FRMPD4: variants seen among roughly 807,000 people sequenced by gnomAD.
The protein encoded by FRMPD4 is FERM and PDZ domain-containing protein 4.
Under a neutral mutation model 94.1 loss-of-function variants are expected in FRMPD4, and 22 were observed. The ratio of observed to expected loss-of-function variants is 0.23; its 90% CI spans 0.17 to 0.33. The LOEUF is 0.33. Among genes scored for constraint, FRMPD4 ranks in the 10% least tolerant of loss-of-function variants. The pLI, the probability that FRMPD4 is intolerant of heterozygous loss-of-function variation, is 1.00. For synonymous variants in FRMPD4, 631 were observed against 548.6 expected, an observed-to-expected ratio of 1.15 and a Z score of -2.10; for missense variants, 1,111 against 1,339.9, an observed-to-expected ratio of 0.83 and a Z score of 2.67.
chrX:11,975,379 A>C (rs113071325), intron 3 of FRMPD4, among the ~76,000 whole-genome samples: 8,518 of 112,199 alleles, frequency 0.076, 302 homozygotes, highest in East Asian at 0.24. Flanking sequence ...TTCCATATCC[A>C]TAAAACTGAT....
intron 3 of FRMPD4, among the ~76,000 whole-genome samples, chrX:11,888,317 C>G (rs961305567): frequency 8.9e-6 from 1 of 111,808 alleles, no homozygotes; most frequent in Non-Finnish European, 1.9e-5. Context: ...TAACACTACA[C>G]CTTCACATTT....
In FRMPD4 at chrX:12,332,207, T is replaced by TAGAG. The variant is rs531737337; in HGVS notation, c.42-166439_42-166436dup. ...TTTATATTTTATATATATATATATA[T>TAGAG]AGAGAGAGAGAGAGAGAGAGAGAGA... On this transcript the variant is annotated intron_variant, in intron 1 of 16. Coordinates refer to ENST00000675598, the MANE Select transcript of FRMPD4 (RefSeq NM_001368397.1). 2.1e-3 allele frequency among the ~76,000 whole-genome samples: 128 copies of TAGAG among 59,538 alleles called. 7 individuals carry two copies. Among genetic ancestry groups the TAGAG allele is most frequent in the African/African-American group, 5.8e-3 (80 of 13,711 alleles). 51.7% of individuals were successfully genotyped at this position (59,538 alleles called of 115,157 possible).
chrX:12,484,038 G>C (rs2057715572), intron 1 of FRMPD4, among the ~76,000 whole-genome samples: 1 of 111,547 alleles, frequency 9.0e-6, no homozygotes, highest in East Asian at 2.8e-4. Context: ...GACAGTAAGT[G>C]AATGAAATGC....
At chrX:12,021,598 C>A (rs1043402564) in intron 3 of FRMPD4, among the ~76,000 whole-genome samples, 1 of 111,542 alleles carries the variant, frequency 9.0e-6, no homozygotes, top group Non-Finnish European at 1.9e-5. Flanking sequence ...GCCTCCCCTG[C>A]CTGCTTCTAT....
chrX:12,268,688 G>A (rs1304169471), intron 1 of FRMPD4, among the ~76,000 whole-genome samples: 1 of 112,114 alleles, frequency 8.9e-6, no homozygotes, highest in Non-Finnish European at 1.9e-5. Flanking sequence ...GACATCATTA[G>A]TTCCATAGGG....
chrX:11,827,906 G>A (rs1044513127), intron 1 of FRMPD4, among the ~76,000 whole-genome samples: 2 of 111,856 alleles, frequency 1.8e-5, no homozygotes, highest in Non-Finnish European at 3.8e-5. Flanking sequence ...GGGTTGTTCT[G>A]ATGGCAACAT....
At chrX:12,249,672 G>A (rs766407019) in intron 1 of FRMPD4, among the ~76,000 whole-genome samples, 1 of 111,662 alleles carries the variant, frequency 9.0e-6, no homozygotes, top group South Asian at 3.8e-4. Flanking sequence ...GCCTTTGAAA[G>A]TGTGTGCTTA....
At chrX:12,659,206 T>A (rs149919099) in intron 4 of FRMPD4, among the ~76,000 whole-genome samples, 2 of 112,644 alleles carry the variant, frequency 1.8e-5, no homozygotes, top group Admixed American at 1.9e-4. Flanking sequence ...CTACTCATTG[T>A]TGCTAACTTG....
chrX:12,221,057 C>T (rs192807501), intron 1 of FRMPD4, among the ~76,000 whole-genome samples: 2 of 112,197 alleles, frequency 1.8e-5, no homozygotes, highest in East Asian at 5.6e-4. Flanking sequence ...ATGTACCTTC[C>T]TTCAAATCAC....
intron 3 of FRMPD4, among the ~76,000 whole-genome samples, chrX:12,095,472 C>T (rs1314472600): frequency 1.8e-5 from 2 of 111,055 alleles, no homozygotes; most frequent in Admixed American, 9.6e-5. Flanking sequence ...GAAACACAAC[C>T]ATGTTCATTT....
intron 1 of FRMPD4, among the ~76,000 whole-genome samples, chrX:12,231,404 C>T (rs1458495969): frequency 9.1e-6 from 1 of 109,437 alleles, no homozygotes; most frequent in Non-Finnish European, 1.9e-5. Flanking sequence ...CATGGCTTGG[C>T]TAGTCCCCCA....
chrX:11,846,466 T>C (rs2053577648), intron 1 of FRMPD4, among the ~76,000 whole-genome samples: 1 of 110,215 alleles, frequency 9.1e-6, no homozygotes, highest in East Asian at 2.8e-4. Context: ...CAAGGTAATT[T>C]ATAGATTCAA....
Position 12,236,310 on chromosome X carries a change from C to G in FRMPD4, c.41+97298C>G, listed in dbSNP as rs777641584. Among the ~76,000 whole-genome samples the G allele has an allele frequency of 3.6e-5, 4 of 111,386 alleles. No individual in the cohort carries two copies. In the South Asian group the frequency reaches 1.1e-3, roughly 32 times the overall value. Reference sequence around the variant, plus strand: ...TTGTATGTGGAAAAACTTTGAAAACCCTCAAGCATTATAAAAGGCCAAGTT... The same window carrying G: ...TTGTATGTGGAAAAACTTTGAAAACGCTCAAGCATTATAAAAGGCCAAGTT... On this transcript the variant is annotated intron_variant, in intron 1 of 16. Coordinates refer to ENST00000675598, the MANE Select transcript of FRMPD4 (RefSeq NM_001368397.1).
chrX:12,299,702 G>T (rs1044342837), intron 1 of FRMPD4, among the ~76,000 whole-genome samples: 35 of 112,041 alleles, frequency 3.1e-4, no homozygotes, highest in Non-Finnish European at 5.6e-5. Flanking sequence ...CATAGGTTAT[G>T]AGAAATGCAC....
At chrX:12,535,713 G>C (rs1415027228) in intron 2 of FRMPD4, among the ~76,000 whole-genome samples, 1 of 111,932 alleles carries the variant, frequency 8.9e-6, no homozygotes, top group Non-Finnish European at 1.9e-5. Context: ...AGTTTCATTG[G>C]AACACAGTCA....
intron 1 of FRMPD4, among the ~76,000 whole-genome samples, chrX:12,451,050 CA>C (rs1330324848): frequency 1.8e-5 from 2 of 110,426 alleles, no homozygotes; most frequent in Non-Finnish European, 3.8e-5. Context: ...CTGCTCATTC[CA>C]CTTCAGATCC....
chrX:12,068,106 G>T (rs942242224), intron 3 of FRMPD4, among the ~76,000 whole-genome samples: 32 of 111,247 alleles, frequency 2.9e-4, no homozygotes, highest in Non-Finnish European at 5.1e-4. Flanking sequence ...ATTTGAAGAT[G>T]CTATGCTGCT....
intron 2 of FRMPD4, among the ~76,000 whole-genome samples, chrX:12,536,676 G>A (rs891876078): frequency 8.9e-6 from 1 of 111,785 alleles, no homozygotes; most frequent in Non-Finnish European, 1.9e-5. Flanking sequence ...TCGGAAAGAA[G>A]GATTGTTTAG....
rs755301309 is a variant in FRMPD4 at position 12,586,782 on chromosome X, C to T, written c.159-22939C>T. Among the ~76,000 whole-genome samples the T allele has an allele frequency of 1.3e-4, 14 of 111,694 alleles. No homozygotes were observed. In the South Asian group the frequency reaches 5.3e-3, roughly 42 times the overall value. On this transcript the variant is annotated intron_variant, in intron 2 of 16. Transcript: ENST00000675598. ...TTATAGACACTCTTCCTTCTCCTTC[C>T]TTTTCCCACTCCTTTCCTTGGAAAA...
Sources: allele counts gnomAD v4.1 joint callset (sites outside exome capture counted in the v4.1 genomes callset), GRCh38; gene constraint gnomAD v4.1.1; transcripts MANE v1.5; gene names NCBI Gene and HGNC (gene_info 2026-07-23, HGNC 2026-07-21).